Variants in C2CD5 observed in about 807,000 individuals in gnomAD.
C2CD5 encodes C2 calcium dependent domain containing 5.
Under a neutral mutation model 130.3 loss-of-function variants are expected in C2CD5, and 109 were observed. The observed-to-expected ratio is 0.84, with a 90% CI of 0.72 to 0.98. C2CD5 has a LOEUF of 0.98. C2CD5 is among the 50% of genes least tolerant of loss of function. The pLI is 0.00. For synonymous variants in C2CD5, 454 were observed against 429.2 expected (o/e 1.06, Z -0.71); for missense variants, 996 against 1,261.8 (o/e 0.79, Z 3.19).
At chr12:22,543,962 T>G in intron 2 of C2CD5, 99 bp downstream of exon 2, 1 of 890,648 alleles carries the variant, frequency 1.1e-6, no homozygotes, top group Non-Finnish European at 1.8e-6. Context: ...GGGAGGGCAG[T>G]CGAGGGGGGA....
rs755829139 is a variant in C2CD5, at chr12:22,544,120, C to G, written c.31G>C (p.Ala11Pro). 1 of 1,614,124 alleles carries G rather than the reference C, an allele frequency of 6.2e-7. No individual in the cohort carries two copies. Among genetic ancestry groups the G allele is most frequent in the Admixed American group, 1.7e-5 (1 of 60,026 alleles). The change falls in exon 2 of 27, where the codon GCC (alanine) becomes CCC (proline). Residue 11 changes from alanine to proline, a missense_variant. Coordinates refer to ENST00000446597, the MANE Select transcript of C2CD5 (RefSeq NM_001286176.2). ...TCCATCACTGGCAAATGGCGCCCGGCCACGATTTTCACCTTCAGCTTCCCT... is the reference window on the plus strand; with the variant it reads ...TCCATCACTGGCAAATGGCGCCCGGGCACGATTTTCACCTTCAGCTTCCCT... MPGKLKVKIV[A>P]GRHLPVMDRA...
chr12:22,521,062 CCAGT>C (rs1950226126), intron 7 of C2CD5, among the ~76,000 whole-genome samples: 1 of 152,034 alleles, frequency 6.6e-6, no homozygotes, highest in South Asian at 2.1e-4. Context: ...ATATTCCTTT[CCAGT>C]CAGTCAATAA....
chr12:22,490,382 A>T (rs189698843), intron 11 of C2CD5, among the ~76,000 whole-genome samples, 164 bp from the exon 12 acceptor site: 1 of 152,358 alleles, frequency 6.6e-6, no homozygotes, highest in Admixed American at 6.5e-5. Context: ...CTAGCCTAGA[A>T]AACAGAAGTA....
intron 4 of C2CD5, among the ~76,000 whole-genome samples, chr12:22,526,250 G>T (rs1950707660): frequency 6.6e-6 from 1 of 152,102 alleles, no homozygotes; most frequent in African/African-American, 2.4e-5. Flanking sequence ...AATTAGAAAG[G>T]AGTCCCATTT....
chr12:22,462,258 G>C (rs1941306070), intron 22 of C2CD5, among the ~76,000 whole-genome samples: 1 of 152,148 alleles, frequency 6.6e-6, no homozygotes, highest in Non-Finnish European at 1.5e-5. Flanking sequence ...TGTGCCATTT[G>C]TAGATCTATA....
At position 22,544,072 on chromosome 12, in the gene C2CD5, C is replaced by T; in HGVS notation, c.79G>A (p.Ala27Thr). 6.2e-7 allele frequency: 1 copy of T among 1,613,016 alleles called. No individual in the cohort carries two copies. Residue 27 changes from alanine to threonine, a missense_variant, in exon 2 of 27, where the codon GCC (alanine) becomes ACC (threonine). Physicochemically the swap from Ala to Thr is moderately conservative, Grantham distance 58. Transcript: ENST00000446597. ...GACCCTGCACCAACCTCCACGAAGG[C>T]ATCAGTCAGGTCACTAGCACGGTCC... ...VMDRASDLTD[A>T]FVEVKFGNTT...
intron 16 of C2CD5, among the ~76,000 whole-genome samples, chr12:22,473,095 A>G (rs1943304259): frequency 1.3e-5 from 2 of 152,172 alleles, no homozygotes; most frequent in African/African-American, 4.8e-5. Flanking sequence ...ATAAGCAATC[A>G]TTATTCTAAT....
Position 22,459,468 on chromosome 12 carries a change from ATTTGCT to A in C2CD5, c.2584+18_2584+23del. The A allele has an allele frequency of 6.8e-7, 1 of 1,480,378 alleles. No individual in the cohort carries two copies. The highest frequency in any genetic ancestry group is 2.5e-5 in the East Asian group (1 of 40,586). 91.7% of individuals were successfully genotyped at this position (1,480,378 alleles called of 1,614,324 possible). Reference sequence around the variant, plus strand: ...CTAGAATTTTACACCTTTGGTGACTATTTGCTTAATTAGACAAACTCACCTCTCTGT... The same window carrying A: ...CTAGAATTTTACACCTTTGGTGACTATAATTAGACAAACTCACCTCTCTGT... On this transcript the variant is annotated intron_variant, in intron 23 of 26. Transcript: ENST00000446597.
chr12:22,487,778 A>G (rs1204280977), intron 12 of C2CD5, among the ~76,000 whole-genome samples: 3 of 152,102 alleles, frequency 2.0e-5, no homozygotes, highest in Non-Finnish European at 4.4e-5. Context: ...CACTATTCAC[A>G]ATAGCAAACA....
intron 25 of C2CD5, 72 bp from the exon 26 acceptor site, chr12:22,454,114 C>T (rs1441776876): frequency 8.3e-7 from 1 of 1,200,386 alleles, no homozygotes; most frequent in Non-Finnish European, 1.2e-6. Flanking sequence ...CACAAAATGT[C>T]AAAGAATATA....
rs1182647736 is a variant in C2CD5, at chr12:22,449,860, G to A, written c.3056C>T (p.Ala1019Val). The A allele has an allele frequency of 6.2e-7, 1 of 1,611,016 alleles. No homozygotes were observed. The highest frequency in any genetic ancestry group is 1.3e-5 in the African/African-American group (1 of 74,932). The change falls in exon 27 of 27, where the codon GCA becomes GTA. Residue 1019 changes from alanine to valine, a missense_variant. By Grantham distance (64) the Ala-to-Val change is moderately conservative. This residue lies in a region of C2CD5 where 48 missense variants were observed against 46.4 expected (regional missense o/e 1.03). Transcript: ENST00000446597. ...AQCLINVSGD[A>V]VVFVRESDLE... ...GTCAGATTCACGAACAAAAACCACT[G>A]CATCACCACTTACATTTATAAGACA...
intron 22 of C2CD5, among the ~76,000 whole-genome samples, chr12:22,468,992 C>T (rs1400232721): frequency 6.6e-6 from 1 of 152,094 alleles, no homozygotes; most frequent in Non-Finnish European, 1.5e-5. Context: ...AAAACACATA[C>T]TACATTTATC....
chr12:22,492,919 T>A (rs1017579458), intron 11 of C2CD5, among the ~76,000 whole-genome samples: 1 of 152,086 alleles, frequency 6.6e-6, no homozygotes, highest in Admixed American at 6.5e-5. Context: ...AAGCCTAGAG[T>A]TAATATTTGC....
chr12:22,470,215 C>T (rs1489918337), intron 21 of C2CD5, among the ~76,000 whole-genome samples: 1 of 152,086 alleles, frequency 6.6e-6, no homozygotes, highest in Non-Finnish European at 1.5e-5. Context: ...CTTATCAATG[C>T]TATACATGTA....
intron 10 of C2CD5, among the ~76,000 whole-genome samples, chr12:22,505,254 CTTTTTTTTTTT>C (rs371726014): frequency 9.4e-6 from 1 of 106,332 alleles, no homozygotes; most frequent in South Asian, 2.8e-4. Flanking sequence ...TTCTTTCTTT[CTTTTTTTTTTT>C]TTTTTTTTTG....
chr12:22,497,941 C>CACAA (rs1491097997), intron 10 of C2CD5, among the ~76,000 whole-genome samples: 1 of 147,682 alleles, frequency 6.8e-6, no homozygotes, highest in Non-Finnish European at 1.5e-5. Context: ...CACACACACA[C>CACAA]AATGTAACTG....
rs370517604 is a variant in C2CD5 at position 22,474,921 on chromosome 12, A to G, written c.1903-30T>C. 423 of 1,476,456 alleles carry G rather than the reference A, an allele frequency of 2.9e-4. 1 individual carries two copies. In the African/African-American group the frequency reaches 5.6e-3, roughly 20 times the overall value. 91.5% of individuals were successfully genotyped at this position (1,476,456 alleles called of 1,614,324 possible). A position where few individuals can be genotyped will look rare whatever the true frequency, so the allele number is the denominator to read the frequency against. On this transcript the variant is annotated intron_variant, in intron 15 of 26. Coordinates refer to ENST00000446597, the MANE Select transcript of C2CD5 (RefSeq NM_001286176.2). ...AAGAAATATAATTGTTTTATATCAT[A>G]TGAGATTGTCTTTTCCAGTTTAAAT...
chr12:22,543,883 T>C (rs1952664844), intron 2 of C2CD5, among the ~76,000 whole-genome samples, 178 bp downstream of exon 2: 2 of 151,932 alleles, frequency 1.3e-5, no homozygotes, highest in Admixed American at 1.3e-4. Flanking sequence ...CTGCAAGCCG[T>C]GCACCCATCG....
intron 3 of C2CD5, among the ~76,000 whole-genome samples, chr12:22,531,225 C>T (rs545746338): frequency 1.3e-5 from 2 of 152,122 alleles, no homozygotes; most frequent in South Asian, 2.1e-4. Context: ...ACATGTGCAA[C>T]GGGTCTTTCA....
Sources: gnomAD v4.1 joint callset for allele counts (sites outside exome capture counted in the v4.1 genomes callset) on GRCh38, gnomAD v4.1.1 for gene constraint, gnomAD v4.1.1 regional missense constraint, MANE v1.5 for transcripts, NCBI Gene and HGNC (gene_info 2026-07-23, HGNC 2026-07-21) for gene names.